Variants in KLF8 observed in about 807,000 individuals in gnomAD.
KLF8 encodes Krueppel-like factor 8.
A neutral mutation model predicts 18.2 loss-of-function variants in KLF8; 10 were observed. That is an observed-to-expected ratio of 0.55 (90% CI 0.34 to 0.93). KLF8 has a LOEUF of 0.93. Ranked by LOEUF, KLF8 falls within the 40% of genes least tolerant of loss-of-function variation. KLF8 has a pLI of 0.02. For missense variants in KLF8, 264 were observed against 277.9 expected, an observed-to-expected ratio of 0.95 and a Z score of 0.36; for synonymous variants, 109 against 97.3, an observed-to-expected ratio of 1.12 and a Z score of -0.71.
chrX:56,124,349 T>A, the KLF8 span, among the ~76,000 whole-genome samples: 15 of 111,897 alleles, frequency 1.3e-4, no homozygotes, highest in South Asian at 3.0e-3. Context: ...CTCAGTCAGT[T>A]TTTGTTGAGT....
Position 56,239,729 on chromosome X carries a change from A to T in KLF8, c.7+6388A>T, listed in dbSNP as rs2066519998. Among the ~76,000 whole-genome samples the T allele has an allele frequency of 2.7e-5, 3 of 112,202 alleles. No individual in the cohort carries two copies. The Admixed American group carries it at 2.8e-4, about 11-fold the overall frequency. ...CAAATACCTAAATGTGCCTTTGAAG[A>T]CAATTATCAGGCCAGCTTTCTTTTT... On this transcript the variant is annotated intron_variant, in intron 1 of 5. Coordinates refer to ENST00000468660, the MANE Select transcript of KLF8 (RefSeq NM_007250.5).
chrX:55,966,840 T>A, the KLF8 span, among the ~76,000 whole-genome samples: 1 of 111,711 alleles, frequency 9.0e-6, no homozygotes, highest in Admixed American at 9.5e-5. Context: ...GACAGAGAAT[T>A]CAAAATAACT....
chrX:56,159,499 T>C, the KLF8 span, among the ~76,000 whole-genome samples: 3 of 112,818 alleles, frequency 2.7e-5, no homozygotes, highest in Non-Finnish European at 3.7e-5. Context: ...AGAATTCGGC[T>C]GTGAATCCAT....
intron 1 of KLF8, among the ~76,000 whole-genome samples, chrX:56,239,460 C>T (rs1159208637): frequency 8.9e-6 from 1 of 112,161 alleles, no homozygotes; most frequent in Non-Finnish European, 1.9e-5. Context: ...GAGAACCAGG[C>T]CAACATCTGC....
At chrX:56,056,186 G>T in the KLF8 span, among the ~76,000 whole-genome samples, 2 of 111,055 alleles carry the variant, frequency 1.8e-5, no homozygotes, top group African/African-American at 6.6e-5. Flanking sequence ...TCATCTTTAT[G>T]GGCTTATGGG....
chrX:56,141,288 AAAGTT>A, the KLF8 span, among the ~76,000 whole-genome samples: 2 of 111,910 alleles, frequency 1.8e-5, no homozygotes, highest in Non-Finnish European at 3.8e-5. Context: ...ACAGTTAATT[AAAGTT>A]AAGACTCAGG....
chrX:56,228,660 T>C (rs1392076585), upstream of KLF8, among the ~76,000 whole-genome samples: 2 of 111,963 alleles, frequency 1.8e-5, no homozygotes, highest in Non-Finnish European at 3.8e-5. Flanking sequence ...AAAATATCTT[T>C]ATCCTTTGCT....
the KLF8 span, among the ~76,000 whole-genome samples, chrX:56,025,068 C>G: frequency 8.9e-5 from 10 of 112,444 alleles, no homozygotes; most frequent in Admixed American, 9.4e-4. Flanking sequence ...TCCGTAGGGA[C>G]TAATTCTTGG....
At chrX:55,955,257 C>T in the KLF8 span, among the ~76,000 whole-genome samples, 6 of 111,072 alleles carry the variant, frequency 5.4e-5, no homozygotes, top group Admixed American at 4.8e-4. Context: ...GAAGAAAGAA[C>T]AGCAAGCAAA....
chrX:56,117,530 G>C, the KLF8 span, among the ~76,000 whole-genome samples: 2 of 111,384 alleles, frequency 1.8e-5, no homozygotes, highest in East Asian at 5.6e-4. Flanking sequence ...ACCTCAGTTT[G>C]CCATTGATTT....
At chrX:56,121,071 T>A in the KLF8 span, among the ~76,000 whole-genome samples, 52 of 107,350 alleles carry the variant, frequency 4.8e-4, no homozygotes, top group South Asian at 2.5e-3. Context: ...CTGTAGTCCC[T>A]GCTATTCGGG....
chrX:56,159,724 G>A, the KLF8 span, among the ~76,000 whole-genome samples: 5 of 111,452 alleles, frequency 4.5e-5, no homozygotes, highest in Non-Finnish European at 7.5e-5. Context: ...CTGTGGGATC[G>A]GTGGTGATAT....
the KLF8 span, among the ~76,000 whole-genome samples, chrX:56,175,138 G>C: frequency 2.7e-5 from 3 of 111,022 alleles, no homozygotes; most frequent in African/African-American, 9.8e-5. Context: ...CCTTCTGCTA[G>C]CTTTTGAATG....
chrX:56,144,293 G>A, the KLF8 span, among the ~76,000 whole-genome samples: 4 of 111,109 alleles, frequency 3.6e-5, no homozygotes, highest in Non-Finnish European at 7.5e-5. Context: ...AACACCAAAA[G>A]CACAAACAAA....
the KLF8 span, among the ~76,000 whole-genome samples, chrX:55,945,720 G>T: frequency 5.4e-5 from 6 of 111,171 alleles, no homozygotes. Context: ...TAGATGACAT[G>T]ATTGTATATC....
the KLF8 span, among the ~76,000 whole-genome samples, chrX:56,009,555 T>C: frequency 5.4e-4 from 61 of 111,967 alleles, no homozygotes; most frequent in Non-Finnish European, 1.0e-3. Context: ...ACTTTTCTCC[T>C]CCAAATGATC....
At chrX:56,075,998 C>T in the KLF8 span, among the ~76,000 whole-genome samples, 2 of 110,673 alleles carry the variant, frequency 1.8e-5, no homozygotes, top group Admixed American at 9.7e-5. Flanking sequence ...GTGATGTTCC[C>T]CTTCCTATGT....
At chrX:56,003,342 G>A in the KLF8 span, among the ~76,000 whole-genome samples, 11 of 110,461 alleles carry the variant, frequency 1.0e-4, no homozygotes, top group African/African-American at 3.0e-4. Flanking sequence ...CCTGGGAGGC[G>A]GAGGTTGCAG....
the KLF8 span, among the ~76,000 whole-genome samples, chrX:56,123,241 AAAAAAGAAAG>A: frequency 9.5e-6 from 1 of 105,379 alleles, no homozygotes; most frequent in African/African-American, 3.5e-5. Context: ...TACAAAAATA[AAAAAAGAAAG>A]AAAAAGAAAG....
Sources: allele counts gnomAD v4.1 joint callset (sites outside exome capture counted in the v4.1 genomes callset), GRCh38; gene constraint gnomAD v4.1.1; transcripts MANE v1.5; gene names NCBI Gene and HGNC (gene_info 2026-07-23, HGNC 2026-07-21).